The following MPDZ variants were observed in gnomAD, a reference collection of about 807,000 sequenced individuals.
The protein encoded by MPDZ is multiple PDZ domain protein.
MPDZ carries 234 observed loss-of-function variants against 239.1 expected under a neutral mutation model. The observed-to-expected ratio is 0.98, with a 90% CI of 0.88 to 1.09. The LOEUF (loss-of-function observed/expected upper bound fraction) is 1.09. MPDZ is among the 50% of genes least tolerant of loss of function. The pLI is 0.00. For missense variants in MPDZ, 3,175 were observed against 2,510.0 expected, an observed-to-expected ratio of 1.26 and a Z score of -5.66; for synonymous variants, 1,048 against 881.3, an observed-to-expected ratio of 1.19 and a Z score of -3.35.
chr9:13,192,223 C>T lies in MPDZ; in HGVS notation c.1876G>A (p.Val626Met). Residue 626 changes from valine to methionine, a missense_variant, in exon 15 of 47, where the codon GTG (valine) becomes ATG (methionine). Transcript: ENST00000319217. ...GTTCGACGACAGCACACCATTGTCA[C>T]TTCTATAGGCAGTTCTTTTAAGATA... ...VNILKELPIE[V>M]TMVCCRRTVP... 6.2e-7 allele frequency: 1 copy of T among 1,609,190 alleles called. No homozygotes were observed. The highest frequency in any genetic ancestry group is 2.2e-5 in the East Asian group (1 of 44,618).
rs566248320 is a variant in MPDZ, at chr9:13,234,672, G to C, written c.184-10089C>G. On this transcript the variant is annotated intron_variant, in intron 3 of 46. Coordinates refer to ENST00000319217, the MANE Select transcript of MPDZ (RefSeq NM_001378778.1). ...CTACTGCTTTTGCAACCCTAGTTTTGGTAAACTGTTTAAACTGACATACAT... is the reference window on the plus strand; with the variant it reads ...CTACTGCTTTTGCAACCCTAGTTTTCGTAAACTGTTTAAACTGACATACAT... 2.7e-4 allele frequency among the ~76,000 whole-genome samples: 41 copies of C among 152,072 alleles called. 1 individual carries two copies. The highest frequency in any genetic ancestry group is 9.6e-4 in the African/African-American group (40 of 41,482).
At chr9:13,160,362 A>G (rs1950316019) in intron 23 of MPDZ, among the ~76,000 whole-genome samples, 1 of 152,148 alleles carries the variant, frequency 6.6e-6, no homozygotes, top group Non-Finnish European at 1.5e-5. Context: ...CAGAAAATAT[A>G]CTTTCTCTGC....
At chr9:13,116,975 C>T (rs1474344645) in intron 39 of MPDZ, among the ~76,000 whole-genome samples, 1 of 151,962 alleles carries the variant, frequency 6.6e-6, no homozygotes, top group Non-Finnish European at 1.5e-5. Context: ...TGTTCTAAGA[C>T]CCCCCGCCAG....
rs1184658840 is a variant in MPDZ at position 13,168,381 on chromosome 9, A to G, written c.3239T>C (p.Ile1080Thr). The G allele has an allele frequency of 1.2e-6, 2 of 1,612,874 alleles. No individual in the cohort carries two copies. The highest frequency in any genetic ancestry group is 3.3e-5 in the Admixed American group (2 of 59,886). ...ARAMLRRHSL[I>T]GPDIKITYVP... ...TGATACTTACTTTATGTCAGGGCCAATGAGAGAATGTCTTCTCAACATAGC... is the reference window on the plus strand; with the variant it reads ...TGATACTTACTTTATGTCAGGGCCAGTGAGAGAATGTCTTCTCAACATAGC... Residue 1080 changes from isoleucine (I) to threonine (T), a missense_variant, in exon 22 of 47, where the codon ATT becomes ACT. Physicochemically the swap from Ile to Thr is moderately conservative, Grantham distance 89 (BLOSUM62 -1). Transcript: ENST00000319217.
chr9:13,249,103 T>TAC (rs1967170301), intron 2 of MPDZ, among the ~76,000 whole-genome samples: 5 of 97,318 alleles, frequency 5.1e-5, no homozygotes, highest in Non-Finnish European at 1.0e-4. Context: ...TGATCATGGG[T>TAC]TCACACACAC....
chr9:13,121,983 G>A (rs774158507), intron 37 of MPDZ, 51 bp from the exon 38 acceptor site: 106 of 1,597,310 alleles, frequency 6.6e-5, no homozygotes, highest in African/African-American at 1.2e-4. Context: ...GTAAAGGAGA[G>A]TTAGGTGGGG....
chr9:13,266,562 A>AATT (rs1971841823), intron 1 of MPDZ, among the ~76,000 whole-genome samples: 2 of 152,136 alleles, frequency 1.3e-5, no homozygotes, highest in Admixed American at 1.3e-4. Context: ...TATCAATCTT[A>AATT]ATTATTTGAA....
chr9:13,246,257 C>A (rs1025932565), intron 3 of MPDZ, among the ~76,000 whole-genome samples: 1 of 152,090 alleles, frequency 6.6e-6, no homozygotes, highest in African/African-American at 2.4e-5. Flanking sequence ...GCCTGGCCAA[C>A]ATGGTGAAAC....
At chr9:13,195,107 G>C (rs1955472347) in intron 13 of MPDZ, among the ~76,000 whole-genome samples, 1 of 151,972 alleles carries the variant, frequency 6.6e-6, no homozygotes, top group Non-Finnish European at 1.5e-5. Context: ...GGGCAACATG[G>C]CAAAACCCAG....
chr9:13,236,406 T>C (rs1471665933), intron 3 of MPDZ, among the ~76,000 whole-genome samples: 1 of 149,418 alleles, frequency 6.7e-6, no homozygotes, highest in African/African-American at 2.5e-5. Flanking sequence ...GCCTACCAAG[T>C]AGCTGAGCTG....
At chr9:13,210,073 CA>C (rs539113172) in intron 10 of MPDZ, among the ~76,000 whole-genome samples, 76 of 121,260 alleles carry the variant, frequency 6.3e-4, no homozygotes, top group East Asian at 1.7e-3. Flanking sequence ...TGAGAAATTA[CA>C]AAAAAAAAAA....
At chr9:13,273,637 A>G (rs1022226977) in intron 1 of MPDZ, among the ~76,000 whole-genome samples, 5 of 152,220 alleles carry the variant, frequency 3.3e-5, no homozygotes, top group Non-Finnish European at 7.3e-5. Context: ...CAATGGAAAT[A>G]TCATGTGAGC....
intron 21 of MPDZ, among the ~76,000 whole-genome samples, chr9:13,175,179 T>C (rs377285476): frequency 1.5e-4 from 23 of 152,130 alleles, no homozygotes; most frequent in African/African-American, 4.8e-4. Flanking sequence ...GCTATTGTAA[T>C]TAGGATATTT....
Position 13,111,484 on chromosome 9 carries a change from T to C in MPDZ, c.5724+540A>G, listed in dbSNP as rs149517067. 3.8e-3 allele frequency among the ~76,000 whole-genome samples: 582 copies of C among 152,322 alleles called. 5 individuals are homozygous for C. The highest frequency in any genetic ancestry group is 0.013 in the African/African-American group (545 of 41,566). ...GAGAGACTGAGTTGCGTTAATGGAA[T>C]ATTCATGTAATTTTTAGAGCTGGGC... is the stretch of plus-strand genomic sequence containing the variant. On this transcript the variant is annotated intron_variant, in intron 43 of 46. Coordinates refer to ENST00000319217, the MANE Select transcript of MPDZ (RefSeq NM_001378778.1).
intron 1 of MPDZ, among the ~76,000 whole-genome samples, chr9:13,274,147 T>A (rs1410449448): frequency 6.6e-6 from 1 of 152,214 alleles, no homozygotes; most frequent in Non-Finnish European, 1.5e-5. Context: ...TTCACTTGTA[T>A]CTTCCATACC....
chr9:13,141,636 T>TTAATG (rs1947705845), intron 27 of MPDZ, among the ~76,000 whole-genome samples: 1 of 152,180 alleles, frequency 6.6e-6, no homozygotes, highest in Non-Finnish European at 1.5e-5. Flanking sequence ...AAGGATACAT[T>TTAATG]AAATGATAAA....
chr9:13,165,294 A>G lies in MPDZ; in HGVS notation c.3255-2499T>C, dbSNP rs1243904320. ...TCTATTCTTGCATTGGGACATTACAAAAGCACAAAATTGTTTTCACAGACA... is the reference window on the plus strand; with the variant it reads ...TCTATTCTTGCATTGGGACATTACAGAAGCACAAAATTGTTTTCACAGACA... On this transcript the variant is annotated intron_variant, in intron 22 of 46. Coordinates refer to ENST00000319217, the MANE Select transcript of MPDZ (RefSeq NM_001378778.1). The G allele has an allele frequency of 2.1e-5, 31 of 1,493,804 alleles. No homozygotes were observed. In the Middle Eastern group the frequency reaches 1.2e-3, roughly 58 times the overall value. The allele number at this position is 1,493,804 out of a possible 1,614,324, so 92.5% of individuals were successfully genotyped here. A position where few individuals can be genotyped will look rare whatever the true frequency, so the allele number is the denominator to read the frequency against.
At chr9:13,108,584 C>T (rs773759910) in intron 46 of MPDZ, among the ~76,000 whole-genome samples, 17 of 151,736 alleles carry the variant, frequency 1.1e-4, no homozygotes, top group Non-Finnish European at 4.4e-5. Context: ...ACAGAAATAC[C>T]AGTGCTCTAC....
chr9:13,166,862 T>C (rs1247283722), intron 22 of MPDZ, among the ~76,000 whole-genome samples: 1 of 152,014 alleles, frequency 6.6e-6, no homozygotes, highest in Non-Finnish European at 1.5e-5. Flanking sequence ...TTTTCTAGAG[T>C]TGACCAGATG....
Sources: gnomAD v4.1 joint callset for allele counts (sites outside exome capture counted in the v4.1 genomes callset) on GRCh38, gnomAD v4.1.1 for gene constraint, MANE v1.5 for transcripts, NCBI Gene and HGNC (gene_info 2026-07-23, HGNC 2026-07-21) for gene names.